TOB2: variants seen among roughly 807,000 people sequenced by gnomAD.
TOB2 encodes transducer of ERBB2, 2, also known as protein Tob2.
A neutral mutation model predicts 17.3 loss-of-function variants in TOB2; 3 were observed. That is an observed-to-expected ratio of 0.17 (90% confidence interval 0.08 to 0.45). The LOEUF is 0.45. TOB2 is among the 20% of genes least tolerant of loss of function. TOB2 has a pLI of 0.99. For missense variants in TOB2, 407 were observed against 445.7 expected (o/e 0.91, Z 0.78); for synonymous variants, 163 against 185.6 (o/e 0.88, Z 0.99).
At chr22:41,440,157 G>A (rs1016738159) in intron 1 of TOB2, among the ~76,000 whole-genome samples, 8 of 148,044 alleles carry the variant, frequency 5.4e-5, no homozygotes, top group African/African-American at 1.3e-4. Flanking sequence ...TTGCTCTGTC[G>A]CCCAGGCTGG....
At chr22:41,442,954 A>G (rs904231001) in intron 1 of TOB2, among the ~76,000 whole-genome samples, 5 of 152,182 alleles carry the variant, frequency 3.3e-5, no homozygotes, top group African/African-American at 1.2e-4. Context: ...AACGGCGAAA[A>G]AGGGAGCAAG....
At chr22:41,440,409 G>A (rs1442066717) in intron 1 of TOB2, among the ~76,000 whole-genome samples, 1 of 150,966 alleles carries the variant, frequency 6.6e-6, no homozygotes, top group African/African-American at 2.4e-5. Flanking sequence ...GAGCCACCGC[G>A]CCTGGCCTCT....
rs750473970 is a variant in TOB2, at chr22:41,436,461, G to T, written c.885C>A (p.Asn295Lys). 4 of 1,614,244 alleles carry T rather than the reference G, an allele frequency of 2.5e-6. No homozygotes were observed. Among genetic ancestry groups the T allele is most frequent in the Non-Finnish European group, 3.4e-6 (4 of 1,180,036 alleles). ...CCTGGGCCATGTCAAAGCTGCTGCTGTTGCAGGTGCCAGCCCCACTGCCTC... is the reference window on the plus strand; with the variant it reads ...CCTGGGCCATGTCAAAGCTGCTGCTTTTGCAGGTGCCAGCCCCACTGCCTC... ...PFGGSGAGTCNSSSFDMAQVF... is the reference protein window; with the variant it reads ...PFGGSGAGTCKSSSFDMAQVF... The change falls in exon 2 of 2, where the codon AAC becomes AAA. Residue 295 changes from asparagine to lysine, a missense_variant. Physicochemically the swap from Asn to Lys is moderately conservative, Grantham distance 94. Coordinates refer to ENST00000327492, the MANE Select transcript of TOB2 (RefSeq NM_016272.4). This position sits in a 1 kb window ranked among gnomAD's most constrained non-coding sequence, Gnocchi z 4.8.
At position 41,434,393 on chromosome 22, in the gene TOB2, C is replaced by A. The variant is rs2037522852; in HGVS notation, c.*1918G>T. The A allele has an allele frequency of 6.5e-6, 1 of 152,794 alleles. No individual in the cohort carries two copies. The highest frequency in any genetic ancestry group is 2.4e-5 in the African/African-American group (1 of 41,432). The allele number at this position is 152,794 out of a possible 1,614,324, so 9.5% of individuals were successfully genotyped here. A position where few individuals can be genotyped will look rare whatever the true frequency, so the allele number is the denominator to read the frequency against. The stretch of plus-strand genomic sequence containing the variant: ...GAAGGGGATGTAAGGCAGCATCCAA[C>A]CTTTCCCAGAGAGAAGCTATCTGCT... On this transcript the variant is annotated 3_prime_UTR_variant, in exon 2 of 2. Transcript: ENST00000327492.
At chr22:41,445,874 G>C (rs373028261) in intron 1 of TOB2, among the ~76,000 whole-genome samples, 1 of 152,134 alleles carries the variant, frequency 6.6e-6, no homozygotes, top group African/African-American at 2.4e-5. Flanking sequence ...CGTCGCCAAA[G>C]GGGGTGTCCA....
At chr22:41,438,714 C>T (rs556139859) in intron 1 of TOB2, among the ~76,000 whole-genome samples, 1 of 144,652 alleles carries the variant, frequency 6.9e-6, no homozygotes, top group East Asian at 2.2e-4. Context: ...CAAGACCTGT[C>T]ACAATCAGAG....
At chr22:41,441,777 G>A (rs1044366333) in intron 1 of TOB2, among the ~76,000 whole-genome samples, 2 of 151,954 alleles carry the variant, frequency 1.3e-5, no homozygotes, top group Non-Finnish European at 2.9e-5. Flanking sequence ...CGGGTGTGGT[G>A]GCACACGCCT....
chr22:41,443,096 C>G (rs772192649), intron 1 of TOB2, among the ~76,000 whole-genome samples: 2 of 152,188 alleles, frequency 1.3e-5, no homozygotes, highest in Non-Finnish European at 2.9e-5. Flanking sequence ...TTACTTCCAG[C>G]AGCAAAGTTA....
Position 41,437,092 on chromosome 22 carries a change from T to C in TOB2, c.254A>G (p.Asn85Ser). Reference sequence around the variant, plus strand: ...CCAGACACTCAGCTCCTCAGGCACATTGGCCCGCACATCTTCCACCGCCAG... The same window carrying C: ...CCAGACACTCAGCTCCTCAGGCACACTGGCCCGCACATCTTCCACCGCCAG... ...SGLAVEDVRA[N>S]VPEELSVWID... is the part of the protein sequence containing the mutation. The change falls in exon 2 of 2, where the codon AAT becomes AGT. Residue 85 changes from asparagine (N) to serine (S), a missense_variant. Physicochemically the swap from Asn to Ser is conservative, Grantham distance 46 (BLOSUM62 1). Coordinates refer to ENST00000327492, the MANE Select transcript of TOB2 (RefSeq NM_016272.4). 3.7e-6 allele frequency: 6 copies of C among 1,614,116 alleles called. No homozygotes were observed. Among genetic ancestry groups the C allele is most frequent in the East Asian group, 2.2e-5 (1 of 44,876 alleles).
intron 1 of TOB2, among the ~76,000 whole-genome samples, chr22:41,443,951 T>C (rs1447858420): frequency 1.3e-5 from 2 of 152,198 alleles, no homozygotes; most frequent in Non-Finnish European, 2.9e-5. Flanking sequence ...AAGAAAATTC[T>C]GTTTCAAAGA....
At chr22:41,442,242 T>G (rs988482182) in intron 1 of TOB2, among the ~76,000 whole-genome samples, 46 of 152,200 alleles carry the variant, frequency 3.0e-4, no homozygotes, top group Non-Finnish European at 4.4e-5. Context: ...CCCAAGGTAC[T>G]GCATGGCCTC....
intron 1 of TOB2, among the ~76,000 whole-genome samples, 188 bp from the exon 2 acceptor site, chr22:41,437,595 A>C (rs994833120): frequency 9.2e-5 from 14 of 152,156 alleles, no homozygotes. Flanking sequence ...CATGAAGTTA[A>C]GGTAGTTCAA....
intron 1 of TOB2, among the ~76,000 whole-genome samples, chr22:41,443,835 C>A (rs1055478120): frequency 4.6e-5 from 7 of 151,852 alleles, no homozygotes; most frequent in African/African-American, 1.7e-4. Context: ...GTTGGTCAGG[C>A]TAGTCTCGAA....
rs1019647141 is a variant in TOB2 at position 41,435,835 on chromosome 22, C to CA, written c.*475dup. On this transcript the variant is annotated 3_prime_UTR_variant, in exon 2 of 2. Transcript: ENST00000327492. ...TTTGAGTGCGAGGATAGCTGGGTGACAGAGGCAGTGACACGGGCCAGCCTC... is the reference window on the plus strand; with the variant it reads ...TTTGAGTGCGAGGATAGCTGGGTGACAAGAGGCAGTGACACGGGCCAGCCTC... 6.5e-6 allele frequency: 1 copy of CA among 153,430 alleles called. No homozygotes were observed. Among genetic ancestry groups the CA allele is most frequent in the African/African-American group, 2.4e-5 (1 of 41,434 alleles). The allele number at this position is 153,430 out of a possible 1,614,324, so 9.5% of individuals were successfully genotyped here.
rs563170992 is a variant in TOB2, at chr22:41,439,144, G to C, written c.-62-1737C>G. ...ATTTTCTCCAAAAGGGCAGCTCCGGGGCTCATGCTGGGGGAGAAACTGAAC... is the reference window on the plus strand; with the variant it reads ...ATTTTCTCCAAAAGGGCAGCTCCGGCGCTCATGCTGGGGGAGAAACTGAAC... On this transcript the variant is annotated intron_variant, in intron 1 of 1. Coordinates refer to ENST00000327492, the MANE Select transcript of TOB2 (RefSeq NM_016272.4). Among the ~76,000 whole-genome samples the C allele has an allele frequency of 5.9e-5, 9 of 152,258 alleles. No homozygotes were observed. In the South Asian group the frequency reaches 1.5e-3, roughly 25 times the overall value.
chr22:41,439,521 A>ATGTG (rs1288650580), intron 1 of TOB2, among the ~76,000 whole-genome samples: 1 of 111,350 alleles, frequency 9.0e-6, no homozygotes, highest in Non-Finnish European at 1.9e-5. Context: ...GTATGTATGT[A>ATGTG]TGTATGTATG....
At chr22:41,444,172 T>C (rs2037653997) in intron 1 of TOB2, among the ~76,000 whole-genome samples, 1 of 152,056 alleles carries the variant, frequency 6.6e-6, no homozygotes, top group South Asian at 2.1e-4. Flanking sequence ...AGGCAGCTCC[T>C]CTCCTTGGTG....
At chr22:41,438,626 G>A (rs1185999993) in intron 1 of TOB2, among the ~76,000 whole-genome samples, 2 of 6,964 alleles carry the variant, frequency 2.9e-4, no homozygotes, top group Non-Finnish European at 6.5e-4. Flanking sequence ...GCGAAACTCT[G>A]TCTCAAAAAA....
In TOB2 at chr22:41,437,363, A is replaced by AGT; in HGVS notation, c.-19_-18insAC. 1.2e-6 allele frequency: 2 copies of AGT among 1,604,556 alleles called. No individual in the cohort carries two copies. Among genetic ancestry groups the AGT allele is most frequent in the Non-Finnish European group, 1.7e-6 (2 of 1,175,518 alleles). On this transcript the variant is annotated 5_prime_UTR_variant, in exon 2 of 2. Transcript: ENST00000327492. ...AGCTGCATGGTCCTTTCCTAGGCAG[A>AGT]GAATCAGCACAGGGCACGTGTACAG...
Sources: allele counts gnomAD v4.1 joint callset (sites outside exome capture counted in the v4.1 genomes callset), GRCh38; gene constraint gnomAD v4.1.1; non-coding constraint Gnocchi (gnomAD v3.1); transcripts MANE v1.5; gene names NCBI Gene and HGNC (gene_info 2026-07-23, HGNC 2026-07-21).